NCS1: variants seen among roughly 807,000 people sequenced by gnomAD.
NCS1 encodes frequenin homolog.
A neutral mutation model predicts 28.4 loss-of-function variants in NCS1; 6 were observed. The observed-to-expected ratio is 0.21, with a 90% CI of 0.12 to 0.42. NCS1 has a LOEUF of 0.42. NCS1 is among the 10% of genes least tolerant of loss of function. The probability of loss-of-function intolerance (pLI) is 1.00; values close to 1 mark genes in which losing one functional copy is unlikely to be tolerated. For synonymous variants in NCS1, 86 were observed against 99.3 expected (o/e 0.87, Z 0.79); for missense variants, 131 against 241.4 (o/e 0.54, Z 3.03).
chr9:130,203,190 A>G (rs1832981311), intron 2 of NCS1, among the ~76,000 whole-genome samples: 1 of 147,644 alleles, frequency 6.8e-6, no homozygotes, highest in South Asian at 2.1e-4. Context: ...CTCAGGCTGG[A>G]GTACAGTGGT....
At position 130,233,732 on chromosome 9, in the gene NCS1, C is replaced by G. The variant is rs8181096; in HGVS notation, c.*760C>G. The G allele has an allele frequency of 6.6e-6, 1 of 152,554 alleles. No individual in the cohort carries two copies. Among genetic ancestry groups the G allele is most frequent in the African/African-American group, 2.4e-5 (1 of 41,418 alleles). 9.5% of individuals were successfully genotyped at this position (152,554 alleles called of 1,614,324 possible). A position where few individuals can be genotyped will look rare whatever the true frequency, so the allele number is the denominator to read the frequency against. ...GGCCCACCGTTTACATGTGCACGCC[C>G]TGACCCACCTGCCCACGCCGACTTG... On this transcript the variant is annotated 3_prime_UTR_variant, in exon 8 of 8. Coordinates refer to ENST00000372398, the MANE Select transcript of NCS1 (RefSeq NM_014286.4). This position sits in a 1 kb window ranked among gnomAD's most constrained non-coding sequence, Gnocchi z 4.8.
At position 130,235,120 on chromosome 9, in the gene NCS1, A is replaced by ACCCCCCC. The variant is rs5900889; in HGVS notation, c.*2149_*2155dup. On this transcript the variant is annotated 3_prime_UTR_variant, in exon 8 of 8. Coordinates refer to ENST00000372398, the MANE Select transcript of NCS1 (RefSeq NM_014286.4). ...AGGACTGCACGCTGGCCCCACGGTAACCCCCCCTCCCCCACCAACATCCTG... is the reference window on the plus strand; with the variant it reads ...AGGACTGCACGCTGGCCCCACGGTAACCCCCCCCCCCCCCTCCCCCACCAACATCCTG... The ACCCCCCC allele has an allele frequency of 6.7e-6, 1 of 148,510 alleles. No individual in the cohort carries two copies. The highest frequency in any genetic ancestry group is 2.5e-5 in the African/African-American group (1 of 39,440). The allele number at this position is 148,510 out of a possible 1,614,324, so 9.2% of individuals were successfully genotyped here.
At position 130,177,724 on chromosome 9, in the gene NCS1, C is replaced by T. The variant is rs564222752; in HGVS notation, c.64+4997C>T. Among the ~76,000 whole-genome samples, 6 of 152,348 alleles carry T rather than the reference C, an allele frequency of 3.9e-5. No individual in the cohort carries two copies. In the South Asian group the frequency reaches 8.3e-4, roughly 21 times the overall value. On this transcript the variant is annotated intron_variant, in intron 1 of 7. Transcript: ENST00000372398. The surrounding 1 kb of genome is among the most constrained non-coding windows in gnomAD (Gnocchi z 4.4). The stretch of plus-strand genomic sequence containing the variant: ...GGAAGTCCCTTGGCCTCTCTGAGCA[C>T]CAGCTTGCTCATCCTTCAGACCTGC...
chr9:130,219,923 C>A lies in NCS1; in HGVS notation c.307+120C>A. 9.3e-7 allele frequency: 1 copy of A among 1,078,682 alleles called. No homozygotes were observed. Among genetic ancestry groups the A allele is most frequent in the Non-Finnish European group, 1.4e-6 (1 of 715,506 alleles). The allele number at this position is 1,078,682 out of a possible 1,614,324, so 66.8% of individuals were successfully genotyped here. ...CACCCACTGCAGTGACCACAGATGG[C>A]GTCCCAGCTGTGTCTGCAGAGGGCA... On this transcript the variant is annotated intron_variant, in intron 4 of 7. Coordinates refer to ENST00000372398, the MANE Select transcript of NCS1 (RefSeq NM_014286.4). The surrounding 1 kb of genome is among the most constrained non-coding windows in gnomAD (Gnocchi z 5.7).
intron 2 of NCS1, among the ~76,000 whole-genome samples, chr9:130,201,952 T>C (rs1420255889): frequency 6.6e-6 from 1 of 152,204 alleles, no homozygotes; most frequent in Non-Finnish European, 1.5e-5. Flanking sequence ...TCCTGGGCCA[T>C]CTGAACTCTG....
rs182608677 is a variant in NCS1, at chr9:130,221,944, A to G, written c.308-706A>G. ...ACATAAATATAAATTATGTATATATAAATATATATACATAAATATAAATTA... is the reference window on the plus strand; with the variant it reads ...ACATAAATATAAATTATGTATATATGAATATATATACATAAATATAAATTA... On this transcript the variant is annotated intron_variant, in intron 4 of 7. Coordinates refer to ENST00000372398, the MANE Select transcript of NCS1 (RefSeq NM_014286.4). Among the ~76,000 whole-genome samples, 598 of 94,694 alleles carry G rather than the reference A, an allele frequency of 6.3e-3. 20 individuals are homozygous for G. Among genetic ancestry groups the G allele is most frequent in the African/African-American group, 0.029 (560 of 19,310 alleles). 62.1% of individuals were successfully genotyped at this position (94,694 alleles called of 152,430 possible). A position where few individuals can be genotyped will look rare whatever the true frequency, so the allele number is the denominator to read the frequency against.
chr9:130,216,950 C>A, intron 2 of NCS1, among the ~76,000 whole-genome samples: 1 of 142,992 alleles, frequency 7.0e-6, no homozygotes, highest in Middle Eastern at 3.6e-3. Flanking sequence ...CTACAGGAGC[C>A]AGTTTGTGAA....
chr9:130,179,450 C>T (rs1295752479), intron 1 of NCS1, among the ~76,000 whole-genome samples: 1 of 152,120 alleles, frequency 6.6e-6, no homozygotes, highest in Admixed American at 6.5e-5. Context: ...CTGAGATGAA[C>T]ATCTTTGTAC....
rs1554912288 is a variant in NCS1, at chr9:130,232,730, G to A, written c.*18-260G>A. ...GAACCCAAGAGGTGGAGGTTGCAGT[G>A]AGCCGAGATTATGCCACTGCACTGC... On this transcript the variant is annotated intron_variant, in intron 7 of 7. Coordinates refer to ENST00000372398, the MANE Select transcript of NCS1 (RefSeq NM_014286.4). This position sits in a 1 kb window ranked among gnomAD's most constrained non-coding sequence, Gnocchi z 4.4. 6.6e-6 allele frequency among the ~76,000 whole-genome samples: 1 copy of A among 152,118 alleles called. No individual in the cohort carries two copies. Among genetic ancestry groups the A allele is most frequent in the African/African-American group, 2.4e-5 (1 of 41,402 alleles).
At chr9:130,217,094 T>C (rs1186893958) in intron 2 of NCS1, among the ~76,000 whole-genome samples, 1 of 152,172 alleles carries the variant, frequency 6.6e-6, no homozygotes. Flanking sequence ...AACCATCCCT[T>C]GTTATGGATG....
intron 1 of NCS1, among the ~76,000 whole-genome samples, chr9:130,185,271 C>T (rs1018927563): frequency 6.6e-6 from 1 of 152,256 alleles, no homozygotes; most frequent in Admixed American, 6.5e-5. Flanking sequence ...GCGTGGCTGC[C>T]GGAGTAGCCC....
intron 4 of NCS1, among the ~76,000 whole-genome samples, chr9:130,221,411 TATAGAGAG>T (rs1245581375): frequency 4.0e-4 from 21 of 51,982 alleles, no homozygotes; most frequent in South Asian, 3.3e-3. Flanking sequence ...TATATATATA[TATAGAGAG>T]AGAGAGAGAG....
At chr9:130,196,759 A>G (rs1554906911) in intron 1 of NCS1, among the ~76,000 whole-genome samples, 1 of 152,076 alleles carries the variant, frequency 6.6e-6, no homozygotes. Context: ...AGAAAAAGAA[A>G]AAGGGCATTA....
chr9:130,204,594 C>G (rs1647773921), intron 2 of NCS1, among the ~76,000 whole-genome samples: 1 of 152,216 alleles, frequency 6.6e-6, no homozygotes, highest in African/African-American at 2.4e-5. Flanking sequence ...CGCCTCTGGG[C>G]TTGAATCCTG....
At chr9:130,212,459 C>G (rs782408822) in intron 2 of NCS1, among the ~76,000 whole-genome samples, 3 of 149,732 alleles carry the variant, frequency 2.0e-5, no homozygotes, top group Non-Finnish European at 4.4e-5. Context: ...GCGACCTGGC[C>G]CCGAACGTCA....
intron 6 of NCS1, among the ~76,000 whole-genome samples, chr9:130,225,791 C>T (rs1375097431): frequency 6.6e-6 from 1 of 152,214 alleles, no homozygotes; most frequent in Non-Finnish European, 1.5e-5. Flanking sequence ...CTCTGGATAC[C>T]CGAGATCGAG....
intron 1 of NCS1, among the ~76,000 whole-genome samples, chr9:130,197,982 A>G (rs1468625347): frequency 4.6e-5 from 7 of 151,676 alleles, no homozygotes; most frequent in African/African-American, 1.7e-4. Context: ...AAAAAAAAAA[A>G]AAGGCCCTCC....
chr9:130,189,881 T>A (rs3055602), intron 1 of NCS1, among the ~76,000 whole-genome samples: 666 of 49,530 alleles, frequency 0.013, 8 homozygotes, highest in African/African-American at 0.022. Context: ...AAAAAAAAAA[T>A]ATATATATAT....
chr9:130,219,972 C>T lies in NCS1; in HGVS notation c.307+169C>T, dbSNP rs1158042563. ...CAGGCCTGGGCCCTGGGCAGGTGGC[C>T]CTCACACGGCCACGTAACTAGGCCA... On this transcript the variant is annotated intron_variant, in intron 4 of 7. Coordinates refer to ENST00000372398, the MANE Select transcript of NCS1 (RefSeq NM_014286.4). This position sits in a 1 kb window ranked among gnomAD's most constrained non-coding sequence, Gnocchi z 5.7. Among the ~76,000 whole-genome samples, 1 of 152,236 alleles carries T rather than the reference C, an allele frequency of 6.6e-6. No individual in the cohort carries two copies. The highest frequency in any genetic ancestry group is 1.9e-4 in the East Asian group (1 of 5,188).
Sources: gnomAD v4.1 joint callset for allele counts (sites outside exome capture counted in the v4.1 genomes callset) on GRCh38, gnomAD v4.1.1 for gene constraint, Gnocchi (gnomAD v3.1) non-coding constraint, MANE v1.5 for transcripts, NCBI Gene and HGNC (gene_info 2026-07-23, HGNC 2026-07-21) for gene names.